PTPRD: variants seen among roughly 807,000 people sequenced by gnomAD.
PTPRD encodes protein tyrosine phosphatase receptor type D, also known as receptor-type tyrosine-protein phosphatase delta.
In PTPRD, 34 loss-of-function variants were observed where a neutral mutation model predicts 214.5. The observed-to-expected ratio is 0.16, with a 90% CI of 0.12 to 0.21. The LOEUF is 0.21. Ranked by LOEUF, PTPRD falls within the 10% of genes least tolerant of loss-of-function variation. The probability of loss-of-function intolerance (pLI) is 1.00; values close to 1 mark genes in which losing one functional copy is unlikely to be tolerated. For missense variants in PTPRD, 2,545 were observed against 2,398.7 expected (o/e 1.06, Z -1.27); for synonymous variants, 1,128 against 845.7 (o/e 1.33, Z -5.79).
intron 39 of PTPRD, among the ~76,000 whole-genome samples, chr9:8,361,294 A>G (rs2078413377): frequency 6.6e-6 from 1 of 152,188 alleles, no homozygotes; most frequent in African/African-American, 2.4e-5. Context: ...GCAGTGGTGG[A>G]GGCTTTGATG....
intron 36 of PTPRD, among the ~76,000 whole-genome samples, chr9:8,393,138 G>C (rs1371479389): frequency 6.6e-6 from 1 of 152,034 alleles, no homozygotes; most frequent in African/African-American, 2.4e-5. Context: ...ACTTTTTGGG[G>C]GGTGACTTTC....
chr9:9,111,866 G>T (rs1050246492), intron 10 of PTPRD, among the ~76,000 whole-genome samples: 4 of 152,020 alleles, frequency 2.6e-5, no homozygotes, highest in African/African-American at 9.7e-5. Flanking sequence ...TCCACTGCAT[G>T]ATACAAAACA....
At chr9:9,218,840 A>T (rs1364363338) in intron 9 of PTPRD, among the ~76,000 whole-genome samples, 1 of 152,132 alleles carries the variant, frequency 6.6e-6, no homozygotes, top group Non-Finnish European at 1.5e-5. Flanking sequence ...CCAGACAATC[A>T]CACCCCACAT....
At chr9:8,834,184 C>G (rs536839162) in intron 11 of PTPRD, among the ~76,000 whole-genome samples, 9 of 151,990 alleles carry the variant, frequency 5.9e-5, no homozygotes, top group Middle Eastern at 6.8e-3. Flanking sequence ...TTCAATAGTT[C>G]AAGGGAAAAA....
At chr9:9,156,878 T>G (rs1181055900) in intron 10 of PTPRD, among the ~76,000 whole-genome samples, 1 of 152,196 alleles carries the variant, frequency 6.6e-6, no homozygotes, top group African/African-American at 2.4e-5. Context: ...TGTAAATAAG[T>G]AATGAGGCCT....
At chr9:10,139,237 C>T (rs544180113) in intron 3 of PTPRD, among the ~76,000 whole-genome samples, 2 of 151,398 alleles carry the variant, frequency 1.3e-5, no homozygotes, top group African/African-American at 4.8e-5. Context: ...TGGAACATAA[C>T]AGTCAAGCCG....
chr9:8,926,354 T>C (rs2098892607), intron 11 of PTPRD, among the ~76,000 whole-genome samples: 1 of 152,080 alleles, frequency 6.6e-6, no homozygotes, highest in Non-Finnish European at 1.5e-5. Flanking sequence ...AAAATGACAA[T>C]AGGAGTAAAA....
intron 3 of PTPRD, among the ~76,000 whole-genome samples, chr9:10,273,395 A>G (rs918461398): frequency 6.6e-6 from 1 of 152,142 alleles, no homozygotes; most frequent in African/African-American, 2.4e-5. Context: ...TTTTAATACC[A>G]TAATAGAAAT....
intron 14 of PTPRD, among the ~76,000 whole-genome samples, chr9:8,566,109 T>C (rs1228611205): frequency 9.5e-6 from 1 of 105,538 alleles, no homozygotes; most frequent in Non-Finnish European, 2.4e-5. Context: ...TATGTGTGTG[T>C]GTGTGTGTGT....
chr9:8,832,717 A>C (rs376458181), intron 11 of PTPRD, among the ~76,000 whole-genome samples: 16 of 152,070 alleles, frequency 1.1e-4, no homozygotes, highest in East Asian at 3.9e-4. Context: ...AAATCTTTCA[A>C]CTGTAAAACT....
chr9:9,959,219 C>G (rs2094173682), intron 4 of PTPRD, among the ~76,000 whole-genome samples: 1 of 151,996 alleles, frequency 6.6e-6, no homozygotes, highest in African/African-American at 2.4e-5. Flanking sequence ...CCTTTGATGG[C>G]TAAGTGAAAT....
At chr9:10,306,111 T>A (rs2096059312) in intron 3 of PTPRD, among the ~76,000 whole-genome samples, 1 of 152,062 alleles carries the variant, frequency 6.6e-6, no homozygotes, top group Admixed American at 6.6e-5. Context: ...GACGAGTTCA[T>A]GTCCTTTGCA....
chr9:9,144,541 C>T (rs555417633), intron 10 of PTPRD, among the ~76,000 whole-genome samples: 87 of 152,184 alleles, frequency 5.7e-4, no homozygotes, highest in African/African-American at 1.8e-3. Flanking sequence ...ATCACGAGGT[C>T]AGAAGGTCGA....
At chr9:9,753,606 G>A (rs559798821) in intron 6 of PTPRD, among the ~76,000 whole-genome samples, 1 of 152,090 alleles carries the variant, frequency 6.6e-6, no homozygotes, top group East Asian at 1.9e-4. Context: ...GAGTGATGGT[G>A]GTTTTAATGG....
At chr9:9,377,741 T>C (rs2061166169) in intron 9 of PTPRD, among the ~76,000 whole-genome samples, 1 of 151,666 alleles carries the variant, frequency 6.6e-6, no homozygotes, top group Admixed American at 6.6e-5. Flanking sequence ...TGAAACAAGG[T>C]GGGTGGTGGG....
At chr9:9,756,654 G>A (rs530352825) in intron 6 of PTPRD, among the ~76,000 whole-genome samples, 2 of 152,232 alleles carry the variant, frequency 1.3e-5, no homozygotes, top group South Asian at 4.2e-4. Context: ...ACTGGATAGA[G>A]TTTGTGAATA....
chr9:9,936,179 A>G (rs1406342557), intron 5 of PTPRD, among the ~76,000 whole-genome samples: 9 of 148,714 alleles, frequency 6.1e-5, no homozygotes, highest in Non-Finnish European at 1.5e-5. Flanking sequence ...CAAGGACTTC[A>G]TGTCTAAAAC....
intron 11 of PTPRD, among the ~76,000 whole-genome samples, chr9:8,841,479 C>A (rs1172997369): frequency 1.3e-5 from 2 of 151,544 alleles, no homozygotes; most frequent in African/African-American, 4.9e-5. Flanking sequence ...GGACACAGTT[C>A]ATGATTCTGA....
chr9:10,325,302 C>T (rs998641938), intron 3 of PTPRD, among the ~76,000 whole-genome samples: 2 of 151,972 alleles, frequency 1.3e-5, no homozygotes, highest in Non-Finnish European at 2.9e-5. Context: ...CCTAGTTATA[C>T]AGTAGGCAAT....
Sources: gnomAD v4.1 joint callset for allele counts (sites outside exome capture counted in the v4.1 genomes callset) on GRCh38, gnomAD v4.1.1 for gene constraint, MANE v1.5 for transcripts, NCBI Gene and HGNC (gene_info 2026-07-23, HGNC 2026-07-21) for gene names.